The following KTN1 variants were observed in gnomAD, a reference collection of about 807,000 sequenced individuals.
KTN1 encodes kinectin.
KTN1 carries 130 observed loss-of-function variants against 222.5 expected under a neutral mutation model. The observed-to-expected ratio is 0.58, with a 90% CI of 0.51 to 0.68. KTN1 has a LOEUF of 0.68. KTN1 is among the 30% of genes least tolerant of loss of function. The pLI is 0.00. For synonymous variants in KTN1, 512 were observed against 496.3 expected, an observed-to-expected ratio of 1.03 and a Z score of -0.42; for missense variants, 1,508 against 1,500.4, an observed-to-expected ratio of 1.01 and a Z score of -0.08.
Position 55,628,996 on chromosome 14 carries a change from A to G in KTN1, c.1081-961A>G, listed in dbSNP as rs775238101. 2.6e-5 allele frequency among the ~76,000 whole-genome samples: 4 copies of G among 152,356 alleles called. No homozygotes were observed. In the East Asian group the frequency reaches 7.7e-4, roughly 29 times the overall value. On this transcript the variant is annotated intron_variant, in intron 6 of 43. Transcript: ENST00000395314. Reference sequence around the variant, plus strand: ...GTCATACAATTGCTTTAGAGCAGGAACATGATTAGTCCTAATGATACCTGC... The same window carrying G: ...GTCATACAATTGCTTTAGAGCAGGAGCATGATTAGTCCTAATGATACCTGC...
intron 43 of KTN1, chr14:55,680,683 T>C (rs367794220): frequency 2.2e-6 from 3 of 1,365,704 alleles, no homozygotes; most frequent in Middle Eastern, 2.1e-4. Context: ...TGTCTCACTT[T>C]AGAGTGATCA....
chr14:55,679,524 C>T lies in KTN1; in HGVS notation c.3949-41C>T. 5.9e-6 allele frequency: 9 copies of T among 1,521,220 alleles called. No individual in the cohort carries two copies. In the East Asian group the frequency reaches 7.0e-5, roughly 12 times the overall value. 94.2% of individuals were successfully genotyped at this position (1,521,220 alleles called of 1,614,324 possible). A position where few individuals can be genotyped will look rare whatever the true frequency, so the allele number is the denominator to read the frequency against. On this transcript the variant is annotated intron_variant, in intron 42 of 43. Transcript: ENST00000395314. ...GTTGTTTGGTTTTACATTTCTTTTC[C>T]TTGTGTATGGAGTTTATCATCACTT...
At chr14:55,619,055 T>C in intron 4 of KTN1, 127 bp from the exon 5 acceptor site, 2 of 668,972 alleles carry the variant, frequency 3.0e-6, no homozygotes, top group East Asian at 2.7e-5. Context: ...TAACCTGAAG[T>C]ATATATCTGT....
In KTN1 at chr14:55,583,028, G is replaced by A. The variant is rs77588461; in HGVS notation, c.-31+2674G>A. Reference sequence around the variant, plus strand: ...CATGACTTTGTCCCAATCAAAAAATGTAATTTATTTTCAAATCACTGGGAA... The same window carrying A: ...CATGACTTTGTCCCAATCAAAAAATATAATTTATTTTCAAATCACTGGGAA... On this transcript the variant is annotated intron_variant, in intron 1 of 43. Transcript: ENST00000395314. Among the ~76,000 whole-genome samples, 193 of 152,190 alleles carry A rather than the reference G, an allele frequency of 1.3e-3. 1 individual carries two copies. The highest frequency in any genetic ancestry group is 4.5e-3 in the African/African-American group (186 of 41,538).
At chr14:55,586,587 T>C (rs1357360409) in intron 1 of KTN1, among the ~76,000 whole-genome samples, 1 of 152,124 alleles carries the variant, frequency 6.6e-6, no homozygotes, top group Admixed American at 6.5e-5. Flanking sequence ...CGTTGAGCTG[T>C]TTTATAAGAA....
chr14:55,602,149 T>C (rs182078525), intron 1 of KTN1, among the ~76,000 whole-genome samples: 1 of 152,386 alleles, frequency 6.6e-6, no homozygotes, highest in Admixed American at 6.5e-5. Context: ...ACTAAATTTT[T>C]GTATGTATTT....
At chr14:55,585,158 C>T (rs375695518) in intron 1 of KTN1, among the ~76,000 whole-genome samples, 37 of 142,438 alleles carry the variant, frequency 2.6e-4, no homozygotes, top group African/African-American at 9.0e-4. Flanking sequence ...AAAAAAAAAT[C>T]TCACATTCCT....
At chr14:55,675,198 T>A (rs1595302329) in intron 40 of KTN1, 1 of 152,224 alleles carries the variant, frequency 6.6e-6, no homozygotes, top group Admixed American at 6.5e-5. Flanking sequence ...TTTTCCTTGC[T>A]CATATTTAAT....
rs767375894 is a variant in KTN1 at position 55,659,656 on chromosome 14, C to T, written c.2962-10C>T. 4 of 1,469,832 alleles carry T rather than the reference C, an allele frequency of 2.7e-6. No homozygotes were observed. The Middle Eastern group carries it at 5.2e-4, about 191-fold the overall frequency. 91.0% of individuals were successfully genotyped at this position (1,469,832 alleles called of 1,614,324 possible). A position where few individuals can be genotyped will look rare whatever the true frequency, so the allele number is the denominator to read the frequency against. On this transcript the variant is annotated splice_polypyrimidine_tract_variant and intron_variant, in intron 30 of 43. Coordinates refer to ENST00000395314, the MANE Select transcript of KTN1 (RefSeq NM_001079521.2). ...TTTTGTTCTGAAATAACATTTAACT[C>T]TTTTGATAGGCATCTTCTTTTCCCC...
chr14:55,610,155 T>G lies in KTN1; in HGVS notation c.-30-1864T>G, dbSNP rs968254529. On this transcript the variant is annotated intron_variant, in intron 1 of 43. Coordinates refer to ENST00000395314, the MANE Select transcript of KTN1 (RefSeq NM_001079521.2). ...GAAGTATGAAATGTTACTTCAGTCA[T>G]ATAGATTAATAGCATGCCTGTTGAA... Among the ~76,000 whole-genome samples, 3 of 152,334 alleles carry G rather than the reference T, an allele frequency of 2.0e-5. No individual in the cohort carries two copies. In the East Asian group the frequency reaches 5.8e-4, roughly 29 times the overall value.
intron 28 of KTN1, 84 bp from the exon 29 acceptor site, chr14:55,655,958 T>A: frequency 1.4e-6 from 1 of 694,766 alleles, no homozygotes; most frequent in Non-Finnish European, 2.4e-6. Context: ...GTTTCTGCCA[T>A]CTTTTTTCTT....
At chr14:55,657,705 G>A (rs547988580) in intron 29 of KTN1, among the ~76,000 whole-genome samples, 2 of 152,124 alleles carry the variant, frequency 1.3e-5, no homozygotes, top group South Asian at 2.1e-4. Flanking sequence ...GAGGTCAGGG[G>A]TTCGAGACCA....
intron 1 of KTN1, among the ~76,000 whole-genome samples, chr14:55,599,168 A>G (rs574674843): frequency 6.6e-5 from 10 of 151,752 alleles, no homozygotes; most frequent in African/African-American, 2.4e-4. Context: ...TTCAAGTTCT[A>G]ATTTTTCTGT....
intron 1 of KTN1, among the ~76,000 whole-genome samples, chr14:55,586,744 T>G (rs2033091390): frequency 6.6e-6 from 1 of 152,148 alleles, no homozygotes; most frequent in African/African-American, 2.4e-5. Flanking sequence ...ATTTAAAGAC[T>G]TGAAGTTTTT....
chr14:55,634,647 A>C lies in KTN1; in HGVS notation c.1450A>C (p.Thr484Pro). 6.2e-7 allele frequency: 1 copy of C among 1,612,418 alleles called. No individual in the cohort carries two copies. The highest frequency in any genetic ancestry group is 1.3e-5 in the African/African-American group (1 of 74,884). ...VQKKNAEQAA[T>P]QLKVQLQEAE... Reference sequence around the variant, plus strand: ...AAAGAAGAATGCTGAGCAAGCAGCTACTCAGTTGAAGGTGATATATTCTCA... The same window carrying C: ...AAAGAAGAATGCTGAGCAAGCAGCTCCTCAGTTGAAGGTGATATATTCTCA... The change falls in exon 9 of 44, where the codon ACT (threonine) becomes CCT (proline). Residue 484 changes from threonine to proline, a missense_variant. Transcript: ENST00000395314.
chr14:55,629,439 A>G (rs1032629588), intron 6 of KTN1, among the ~76,000 whole-genome samples: 2 of 151,398 alleles, frequency 1.3e-5, no homozygotes, highest in Non-Finnish European at 1.5e-5. Flanking sequence ...AAAAAAAAAA[A>G]AGATTTGACT....
chr14:55,612,475 G>A lies in KTN1; in HGVS notation c.427G>A (p.Val143Ile), dbSNP rs751416270. The change falls in exon 2 of 44, where the codon GTA becomes ATA. Residue 143 changes from valine (V) to isoleucine (I), a missense_variant. Coordinates refer to ENST00000395314, the MANE Select transcript of KTN1 (RefSeq NM_001079521.2). ...SDASKIPGKK[V>I]EPVPVTKQPT... ...CGCATCAAAGATTCCTGGCAAAAAA[G>A]TAGAACCTGTCCCAGTTACTAAACA... 7.4e-6 allele frequency: 12 copies of A among 1,613,982 alleles called. No homozygotes were observed. The highest frequency in any genetic ancestry group is 1.0e-5 in the Non-Finnish European group (12 of 1,179,980).
chr14:55,593,446 C>CCCCCAA (rs1555357160), intron 1 of KTN1, among the ~76,000 whole-genome samples: 23 of 120,576 alleles, frequency 1.9e-4, no homozygotes, highest in African/African-American at 7.0e-4. Flanking sequence ...ACCCCCCCCC[C>CCCCCAA]AAAAAAAAAA....
At chr14:55,610,261 G>A (rs2147113) in intron 1 of KTN1, among the ~76,000 whole-genome samples, 245 of 152,222 alleles carry the variant, frequency 1.6e-3, no homozygotes, top group South Asian at 3.3e-3. Flanking sequence ...CATGCTGGAA[G>A]TCCTGGAGTA....
Sources: gnomAD v4.1 joint callset for allele counts (sites outside exome capture counted in the v4.1 genomes callset) on GRCh38, gnomAD v4.1.1 for gene constraint, MANE v1.5 for transcripts, NCBI Gene and HGNC (gene_info 2026-07-23, HGNC 2026-07-21) for gene names.